SHLD1: variants seen among roughly 807,000 people sequenced by gnomAD.
SHLD1 encodes RINN1-REV7-interacting novel NHEJ regulator 3.
A neutral mutation model predicts 5.5 loss-of-function variants in SHLD1; 3 were observed. The observed-to-expected ratio is 0.54, with a 90% confidence interval of 0.25 to 1.40. SHLD1 has a LOEUF of 1.40. Ranked by LOEUF, SHLD1 falls within the 40% of genes most tolerant of loss-of-function variation. The pLI, the probability that SHLD1 is intolerant of heterozygous loss-of-function variation, is 0.15. For synonymous variants in SHLD1, 92 were observed against 94.3 expected, an observed-to-expected ratio of 0.98 and a Z score of 0.14; for missense variants, 210 against 244.4, an observed-to-expected ratio of 0.86 and a Z score of 0.94.
intron 1 of SHLD1, among the ~76,000 whole-genome samples, chr20:5,756,234 T>C (rs1395884813): frequency 2.0e-5 from 3 of 151,874 alleles, no homozygotes; most frequent in African/African-American, 4.8e-5. Flanking sequence ...GAGGATTGCT[T>C]GGGCCTAGGA....
At chr20:5,773,659 C>G (rs933587338) in intron 2 of SHLD1, among the ~76,000 whole-genome samples, 1 of 151,894 alleles carries the variant, frequency 6.6e-6, no homozygotes, top group Non-Finnish European at 1.5e-5. Flanking sequence ...TCATTTATTT[C>G]TTGTTAGTTT....
intron 2 of SHLD1, among the ~76,000 whole-genome samples, chr20:5,813,540 G>C (rs1163270316): frequency 6.6e-6 from 1 of 152,070 alleles, no homozygotes; most frequent in Non-Finnish European, 1.5e-5. Flanking sequence ...AGGGGCAGAA[G>C]GGGTATATAG....
chr20:5,796,375 A>C (rs1568506713), intron 2 of SHLD1, among the ~76,000 whole-genome samples: 1 of 151,852 alleles, frequency 6.6e-6, no homozygotes, highest in Non-Finnish European at 1.5e-5. Flanking sequence ...AGAAACAGAT[A>C]ATTGCTAAAC....
chr20:5,765,803 A>G (rs1600098598), intron 1 of SHLD1, among the ~76,000 whole-genome samples: 3 of 96,702 alleles, frequency 3.1e-5, no homozygotes, highest in African/African-American at 4.1e-5. Flanking sequence ...TTTTAAGTAG[A>G]GGACAGGGTT....
At chr20:5,843,229 C>T (rs1182099385) in intron 2 of SHLD1, among the ~76,000 whole-genome samples, 1 of 151,584 alleles carries the variant, frequency 6.6e-6, no homozygotes, top group South Asian at 2.1e-4. Flanking sequence ...GTTTTTAGAC[C>T]ACAAAAATAG....
At chr20:5,853,418 C>A (rs2088037875) in intron 2 of SHLD1, among the ~76,000 whole-genome samples, 1 of 152,054 alleles carries the variant, frequency 6.6e-6, no homozygotes, top group African/African-American at 2.4e-5. Context: ...TGCACTCCAG[C>A]CTGAGCGACA....
chr20:5,763,310 AAAG>A (rs1984584907), intron 1 of SHLD1, among the ~76,000 whole-genome samples: 2 of 151,726 alleles, frequency 1.3e-5, no homozygotes, highest in South Asian at 4.2e-4. Context: ...AAAAAAAAAA[AAAG>A]AACTGTGCCT....
intron 1 of SHLD1, among the ~76,000 whole-genome samples, chr20:5,765,440 G>A (rs1162016195): frequency 2.0e-5 from 3 of 151,870 alleles, no homozygotes; most frequent in African/African-American, 7.3e-5. Context: ...GTAGAGACGG[G>A]GGTTTCACCA....
intron 2 of SHLD1, among the ~76,000 whole-genome samples, chr20:5,857,350 G>A (rs73596874): frequency 0.016 from 2,474 of 152,138 alleles, 68 homozygotes; most frequent in African/African-American, 0.056. Flanking sequence ...ACAAGCCCAG[G>A]GAGCCTCCAA....
intron 1 of SHLD1, among the ~76,000 whole-genome samples, chr20:5,763,009 A>C (rs1984558146): frequency 6.6e-6 from 1 of 151,114 alleles, no homozygotes; most frequent in South Asian, 2.1e-4. Flanking sequence ...TAATTGCCAC[A>C]AAGAAGTGTG....
intron 1 of SHLD1, among the ~76,000 whole-genome samples, chr20:5,758,432 T>A (rs866670651): frequency 3.3e-4 from 50 of 151,604 alleles, no homozygotes; most frequent in African/African-American, 7.5e-4. Context: ...TATATTTTTT[T>A]TTTTTAGATG....
At chr20:5,860,307 A>AAT (rs1172494210) in intron 2 of SHLD1, among the ~76,000 whole-genome samples, 1 of 152,206 alleles carries the variant, frequency 6.6e-6, no homozygotes, top group African/African-American at 2.4e-5. Context: ...CAGCAAAGGA[A>AAT]GTTTTTACAT....
chr20:5,786,430 C>G (rs2087060005), intron 2 of SHLD1, among the ~76,000 whole-genome samples: 1 of 152,098 alleles, frequency 6.6e-6, no homozygotes, highest in African/African-American at 2.4e-5. Context: ...AATAAATTAA[C>G]TGGGCATGGT....
At chr20:5,801,974 CA>C (rs2087301002) in intron 2 of SHLD1, among the ~76,000 whole-genome samples, 1 of 152,128 alleles carries the variant, frequency 6.6e-6, no homozygotes, top group South Asian at 2.1e-4. Flanking sequence ...AGTGGGTACT[CA>C]TTGAATTGAA....
At chr20:5,821,818 G>A (rs545944892) in intron 2 of SHLD1, among the ~76,000 whole-genome samples, 1 of 152,194 alleles carries the variant, frequency 6.6e-6, no homozygotes, top group Non-Finnish European at 1.5e-5. Context: ...TCCCAGGGCT[G>A]CTGAGTGTCC....
chr20:5,779,604 C>G (rs1458821960), intron 2 of SHLD1, among the ~76,000 whole-genome samples: 1 of 152,190 alleles, frequency 6.6e-6, no homozygotes. Flanking sequence ...CTCCAGTTCC[C>G]AAGCCAGTTT....
At chr20:5,754,476 A>G (rs1022847884) in intron 1 of SHLD1, among the ~76,000 whole-genome samples, 1 of 152,184 alleles carries the variant, frequency 6.6e-6, no homozygotes. Flanking sequence ...GGTGGTTATA[A>G]CAAGGTATGT....
At chr20:5,824,964 C>G in intron 2 of SHLD1, among the ~76,000 whole-genome samples, 1 of 152,222 alleles carries the variant, frequency 6.6e-6, no homozygotes, top group East Asian at 1.9e-4. Flanking sequence ...TTCCAAACTA[C>G]TTTACTGAGT....
rs115014503 is a variant in SHLD1 at position 5,837,938 on chromosome 20, C to T, written c.179-25086C>T. On this transcript the variant is annotated intron_variant, in intron 2 of 2. Transcript: ENST00000303142. ...GTGGACCTGCACAGTTCAAACCTAC[C>T]TTGTTCAAGGATCAGCTGTAGTTAC... is the stretch of plus-strand genomic sequence containing the variant. Among the ~76,000 whole-genome samples, 1,321 of 152,218 alleles carry T rather than the reference C, an allele frequency of 8.7e-3. 14 individuals carry two copies. Among genetic ancestry groups the T allele is most frequent in the African/African-American group, 0.03 (1,265 of 41,506 alleles).
Sources: gnomAD v4.1 joint callset for allele counts (sites outside exome capture counted in the v4.1 genomes callset) on GRCh38, gnomAD v4.1.1 for gene constraint, MANE v1.5 for transcripts, NCBI Gene and HGNC (gene_info 2026-07-23, HGNC 2026-07-21) for gene names.